FHIT: variants seen among roughly 807,000 people sequenced by gnomAD.
FHIT encodes the protein bis(5'-adenosyl)-triphosphatase.
FHIT carries 19 observed loss-of-function variants against 17.9 expected under a neutral mutation model. The ratio of observed to expected loss-of-function variants is 1.06; its 90% CI spans 0.74 to 1.56. The LOEUF (loss-of-function observed/expected upper bound fraction) is 1.56. Among genes scored for constraint, FHIT ranks in the 40% most tolerant of loss-of-function variants. The pLI is 0.00. For synonymous variants in FHIT, 81 were observed against 69.7 expected, an observed-to-expected ratio of 1.16 and a Z score of -0.81; for missense variants, 248 against 189.2, an observed-to-expected ratio of 1.31 and a Z score of -1.82.
At chr3:60,198,297 C>G (rs1003017616) in intron 5 of FHIT, among the ~76,000 whole-genome samples, 2 of 152,024 alleles carry the variant, frequency 1.3e-5, no homozygotes, top group African/African-American at 2.4e-5. Context: ...CTTTACTAAC[C>G]TAAGTGCATA....
At chr3:60,484,733 G>A (rs907427742) in intron 5 of FHIT, among the ~76,000 whole-genome samples, 3 of 152,188 alleles carry the variant, frequency 2.0e-5, no homozygotes, top group Admixed American at 6.5e-5. Flanking sequence ...CAAAACCTAG[G>A]CAATACCATT....
chr3:60,864,406 A>G (rs1473488450), intron 3 of FHIT, among the ~76,000 whole-genome samples: 1 of 152,174 alleles, frequency 6.6e-6, no homozygotes, highest in East Asian at 1.9e-4. Flanking sequence ...TTTAGAGCCC[A>G]TGGTTTTAAA....
At chr3:60,252,145 C>G (rs1705743596) in intron 5 of FHIT, among the ~76,000 whole-genome samples, 1 of 152,140 alleles carries the variant, frequency 6.6e-6, no homozygotes, top group Admixed American at 6.5e-5. Flanking sequence ...ATTTTTGCAA[C>G]AGCTCTGTTG....
chr3:59,970,939 T>A (rs942049624), intron 7 of FHIT, among the ~76,000 whole-genome samples: 10 of 150,618 alleles, frequency 6.6e-5, no homozygotes, highest in African/African-American at 2.4e-4. Flanking sequence ...AAATTCCTCC[T>A]CTTTGTGAGT....
At chr3:60,170,426 C>G (rs1327853287) in intron 5 of FHIT, among the ~76,000 whole-genome samples, 1 of 152,148 alleles carries the variant, frequency 6.6e-6, no homozygotes, top group African/African-American at 2.4e-5. Flanking sequence ...CTTTGACATG[C>G]ATTCTTATCA....
At chr3:60,768,729 T>C (rs889782525) in intron 4 of FHIT, among the ~76,000 whole-genome samples, 8 of 152,228 alleles carry the variant, frequency 5.3e-5, no homozygotes, top group Non-Finnish European at 8.8e-5. Flanking sequence ...TGAGGGGCCC[T>C]GGCAAGGCAT....
At chr3:61,145,097 T>C (rs533455678) in intron 2 of FHIT, among the ~76,000 whole-genome samples, 1 of 152,284 alleles carries the variant, frequency 6.6e-6, no homozygotes, top group South Asian at 2.1e-4. Flanking sequence ...TTTGGTATTG[T>C]ATCTAAGAAA....
At chr3:60,078,883 C>A (rs1703150881) in intron 5 of FHIT, among the ~76,000 whole-genome samples, 1 of 150,892 alleles carries the variant, frequency 6.6e-6, no homozygotes, top group South Asian at 2.1e-4. Flanking sequence ...TAGAGGGATT[C>A]TTTACATTAT....
At chr3:60,977,288 C>T (rs1230462304) in intron 3 of FHIT, among the ~76,000 whole-genome samples, 3 of 152,124 alleles carry the variant, frequency 2.0e-5, no homozygotes, top group Non-Finnish European at 4.4e-5. Flanking sequence ...TCAGCATTAC[C>T]GGTGGCAAGT....
chr3:60,282,945 C>G (rs958073316), intron 5 of FHIT, among the ~76,000 whole-genome samples: 4 of 151,990 alleles, frequency 2.6e-5, no homozygotes, highest in Non-Finnish European at 5.9e-5. Context: ...ATACAACAAC[C>G]AGACTGAAAT....
chr3:60,561,704 C>A (rs2036954182), intron 4 of FHIT, among the ~76,000 whole-genome samples: 1 of 152,148 alleles, frequency 6.6e-6, no homozygotes, highest in East Asian at 1.9e-4. Flanking sequence ...GGACTGACGG[C>A]TCATTCTCAG....
At chr3:60,091,850 G>A (rs775994572) in intron 5 of FHIT, among the ~76,000 whole-genome samples, 50 of 152,164 alleles carry the variant, frequency 3.3e-4, no homozygotes, top group Non-Finnish European at 6.5e-4. Context: ...CCTAGAAGCC[G>A]AAGCTGCTAT....
intron 8 of FHIT, among the ~76,000 whole-genome samples, chr3:59,772,876 G>A (rs1274796406): frequency 2.0e-5 from 3 of 152,204 alleles, no homozygotes; most frequent in Non-Finnish European, 2.9e-5. Context: ...GCAGCCTCAT[G>A]TAGGAAGTGT....
At chr3:60,052,722 G>C (rs1309358150) in intron 5 of FHIT, among the ~76,000 whole-genome samples, 1 of 148,854 alleles carries the variant, frequency 6.7e-6, no homozygotes, top group Admixed American at 6.7e-5. Context: ...ATCTAGGATG[G>C]GATGGGAAAA....
At chr3:60,682,193 G>A (rs1461103811) in intron 4 of FHIT, among the ~76,000 whole-genome samples, 1 of 151,966 alleles carries the variant, frequency 6.6e-6, no homozygotes, top group Non-Finnish European at 1.5e-5. Flanking sequence ...GGCTGGTCTC[G>A]AACTCCTGAC....
intron 1 of FHIT, among the ~76,000 whole-genome samples, chr3:61,217,558 A>T (rs1459510417): frequency 1.3e-5 from 2 of 152,160 alleles, no homozygotes; most frequent in South Asian, 2.1e-4. Context: ...CACCATTTAC[A>T]CTGCACTCCA....
At chr3:60,719,362 C>T (rs540870556) in intron 4 of FHIT, among the ~76,000 whole-genome samples, 4 of 152,134 alleles carry the variant, frequency 2.6e-5, no homozygotes, top group East Asian at 3.9e-4. Context: ...ACTTTCTTAT[C>T]GGACCTCTGT....
intron 5 of FHIT, among the ~76,000 whole-genome samples, chr3:60,485,657 G>A (rs547854521): frequency 2.0e-5 from 3 of 152,066 alleles, no homozygotes; most frequent in Non-Finnish European, 2.9e-5. Context: ...TGTTGGGGGT[G>A]GGGGGCAAGG....
chr3:61,239,789 A>ATATATATACACG (rs1439456201), intron 1 of FHIT, among the ~76,000 whole-genome samples: 2 of 119,314 alleles, frequency 1.7e-5, no homozygotes, highest in African/African-American at 7.7e-5. Flanking sequence ...ATATATACAC[A>ATATATATACACG]AATTCTAAAC....
Sources: allele counts gnomAD v4.1 joint callset (sites outside exome capture counted in the v4.1 genomes callset), GRCh38; gene constraint gnomAD v4.1.1; transcripts MANE v1.5; gene names NCBI Gene and HGNC (gene_info 2026-07-23, HGNC 2026-07-21).